The following CORIN variants were observed in gnomAD, a reference collection of about 807,000 sequenced individuals.
CORIN encodes corin, serine peptidase.
A neutral mutation model predicts 125.3 loss-of-function variants in CORIN; 117 were observed. The ratio of observed to expected loss-of-function variants is 0.93; its 90% CI spans 0.80 to 1.09. The LOEUF (loss-of-function observed/expected upper bound fraction) is 1.09. CORIN is among the 50% of genes least tolerant of loss of function. The pLI is 0.00. For synonymous variants in CORIN, 450 were observed against 466.4 expected (o/e 0.96, Z 0.45); for missense variants, 1,253 against 1,306.7 (o/e 0.96, Z 0.63).
At chr4:47,663,370 G>A (rs1335601975) in intron 11 of CORIN, among the ~76,000 whole-genome samples, 1 of 151,954 alleles carries the variant, frequency 6.6e-6, no homozygotes, top group Non-Finnish European at 1.5e-5. Flanking sequence ...CCTAGCAAAA[G>A]CAACTATGTA....
At chr4:47,790,090 C>T (rs939876810) in intron 2 of CORIN, 2 of 327,026 alleles carry the variant, frequency 6.1e-6, no homozygotes, top group Non-Finnish European at 8.8e-6. Flanking sequence ...CTAATACTGC[C>T]TCATTCTTTT....
rs781438959 is a variant in CORIN, at chr4:47,666,642, G to A, written c.1358-1379C>T. On this transcript the variant is annotated intron_variant, in intron 10 of 21. Coordinates refer to ENST00000273857, the MANE Select transcript of CORIN (RefSeq NM_006587.4). ...AGGTTTCAATGAGGTCTAGATGAGG[G>A]TGGCATTTATATGGGATTAAAGTCC... 1.1e-3 allele frequency among the ~76,000 whole-genome samples: 168 copies of A among 152,266 alleles called. 2 individuals are homozygous for A. The Middle Eastern group carries it at 0.014, about 12-fold the overall frequency.
chr4:47,762,568 C>T (rs777340447), intron 4 of CORIN, among the ~76,000 whole-genome samples: 2 of 152,186 alleles, frequency 1.3e-5, no homozygotes, highest in Non-Finnish European at 2.9e-5. Context: ...TCTGTGTCTA[C>T]ACTTTGGCCT....
intron 1 of CORIN, chr4:47,837,557 C>A: frequency 2.2e-6 from 1 of 461,232 alleles, no homozygotes; most frequent in Non-Finnish European, 3.9e-6. Flanking sequence ...AGGAGGGACT[C>A]TGCAGGAAAG....
chr4:47,600,172 ATTG>A, intron 21 of CORIN, 39 bp downstream of exon 21: 1 of 1,571,138 alleles, frequency 6.4e-7, no homozygotes, highest in Non-Finnish European at 8.7e-7. Flanking sequence ...CACTGAAGTT[ATTG>A]TTGAACTGAA....
At chr4:47,642,072 A>C (rs551419755) in intron 15 of CORIN, 23 bp from the exon 16 acceptor site, 66 of 1,607,644 alleles carry the variant, frequency 4.1e-5, no homozygotes, top group Admixed American at 5.0e-5. Flanking sequence ...AAGACAAGGG[A>C]AACCCTAATT....
intron 5 of CORIN, among the ~76,000 whole-genome samples, chr4:47,716,063 T>C (rs1400674648): frequency 6.6e-6 from 1 of 152,356 alleles, no homozygotes; most frequent in East Asian, 1.9e-4. Flanking sequence ...TTGAACTAAA[T>C]GTAGTACTCT....
At chr4:47,785,307 A>C (rs2109914102) in intron 3 of CORIN, among the ~76,000 whole-genome samples, 1 of 152,318 alleles carries the variant, frequency 6.6e-6, no homozygotes, top group African/African-American at 2.4e-5. Flanking sequence ...ACTCCCACCG[A>C]GTATTCTGTA....
chr4:47,774,297 C>G (rs1164052931), intron 3 of CORIN, among the ~76,000 whole-genome samples: 1 of 151,978 alleles, frequency 6.6e-6, no homozygotes, highest in Non-Finnish European at 1.5e-5. Context: ...GAGCCGGGAA[C>G]AGGTGGGAGC....
At chr4:47,647,926 T>C (rs1328041360) in intron 13 of CORIN, among the ~76,000 whole-genome samples, 6 of 152,194 alleles carry the variant, frequency 3.9e-5, no homozygotes, top group Admixed American at 3.9e-4. Context: ...GCCTGCTTCA[T>C]AGGGTTGCTA....
chr4:47,667,418 T>C (rs2351784), intron 10 of CORIN, among the ~76,000 whole-genome samples: 80,867 of 152,014 alleles, frequency 0.53, 22,614 homozygotes, highest in East Asian at 0.76. Context: ...ACATTCCCTG[T>C]GTGGAGAGGC....
At chr4:47,757,874 A>ATATG (rs1560535363) in intron 4 of CORIN, among the ~76,000 whole-genome samples, 1 of 80,238 alleles carries the variant, frequency 1.2e-5, no homozygotes, top group Non-Finnish European at 2.9e-5. Flanking sequence ...ATACATATAT[A>ATATG]TATGTATATA....
At chr4:47,617,390 C>T (rs141458482) in intron 19 of CORIN, among the ~76,000 whole-genome samples, 2,744 of 152,264 alleles carry the variant, frequency 0.018, 89 homozygotes, top group African/African-American at 0.062. Context: ...CAATTTAAAA[C>T]GAGAGAGCTC....
intron 21 of CORIN, among the ~76,000 whole-genome samples, chr4:47,597,924 GA>G (rs1721313374): frequency 6.6e-6 from 1 of 152,188 alleles, no homozygotes; most frequent in African/African-American, 2.4e-5. Context: ...CTAATGGCTA[GA>G]AAGAGGAGGT....
chr4:47,779,007 G>GA (rs1577915567), intron 3 of CORIN, among the ~76,000 whole-genome samples: 1 of 152,008 alleles, frequency 6.6e-6, no homozygotes, highest in African/African-American at 2.4e-5. Flanking sequence ...CTTGTATGGG[G>GA]AAAAAATAAC....
chr4:47,616,682 G>C (rs1487150489), intron 19 of CORIN, among the ~76,000 whole-genome samples: 2 of 152,128 alleles, frequency 1.3e-5, no homozygotes. Flanking sequence ...AACGCAACCA[G>C]AGTGGGCTGA....
At chr4:47,637,333 G>A (rs867352512) in intron 16 of CORIN, among the ~76,000 whole-genome samples, 9 of 152,200 alleles carry the variant, frequency 5.9e-5, no homozygotes, top group Non-Finnish European at 1.2e-4. Flanking sequence ...CATTTTCTGA[G>A]GAGAAATTCA....
At chr4:47,831,659 C>T (rs760813944) in intron 1 of CORIN, among the ~76,000 whole-genome samples, 4 of 152,160 alleles carry the variant, frequency 2.6e-5, no homozygotes, top group Non-Finnish European at 4.4e-5. Context: ...GCCTCAGGAA[C>T]AGAATATACT....
chr4:47,596,024 AG>A, intron 21 of CORIN, 121 bp from the exon 22 acceptor site: 3 of 683,076 alleles, frequency 4.4e-6, no homozygotes, highest in Non-Finnish European at 6.7e-6. Flanking sequence ...GTTTCAACAA[AG>A]CTTTCCTTGT....
Sources: allele counts gnomAD v4.1 joint callset (sites outside exome capture counted in the v4.1 genomes callset), GRCh38; gene constraint gnomAD v4.1.1; transcripts MANE v1.5; gene names NCBI Gene and HGNC (gene_info 2026-07-23, HGNC 2026-07-21).